COG5: variants seen among roughly 807,000 people sequenced by gnomAD.
COG5 encodes component of oligomeric golgi complex 5, also known as conserved oligomeric Golgi complex subunit 5.
In COG5, 86 loss-of-function variants were observed where a neutral mutation model predicts 110.4. The observed-to-expected ratio is 0.78, with a 90% CI of 0.65 to 0.93. COG5 has a LOEUF of 0.93. Among genes scored for constraint, COG5 ranks in the 40% least tolerant of loss-of-function variants. COG5 has a pLI of 0.00. For missense variants in COG5, 1,077 were observed against 987.0 expected, an observed-to-expected ratio of 1.09 and a Z score of -1.22; for synonymous variants, 360 against 334.6, an observed-to-expected ratio of 1.08 and a Z score of -0.83.
At chr7:107,297,178 C>A (rs1365210415) in intron 12 of COG5, among the ~76,000 whole-genome samples, 1 of 152,110 alleles carries the variant, frequency 6.6e-6, no homozygotes, top group Non-Finnish European at 1.5e-5. Flanking sequence ...ATTAAACCAA[C>A]CATGGATTGA....
intron 11 of COG5, among the ~76,000 whole-genome samples, chr7:107,315,901 G>A (rs1373684560): frequency 1.3e-5 from 2 of 152,130 alleles, no homozygotes; most frequent in South Asian, 4.1e-4. Context: ...ATATTAATGG[G>A]ATTTTCTGTC....
chr7:107,547,934 C>T (rs186192736), intron 5 of COG5, 177 bp downstream of exon 5: 150 of 619,524 alleles, frequency 2.4e-4, no homozygotes, highest in Non-Finnish European at 2.1e-4. Flanking sequence ...AAAGAATTTG[C>T]TTTAGATTTG....
chr7:107,414,292 T>C (rs1307822444), intron 6 of COG5, among the ~76,000 whole-genome samples: 1 of 152,194 alleles, frequency 6.6e-6, no homozygotes, highest in African/African-American at 2.4e-5. Flanking sequence ...ATTAACTTCC[T>C]AGCCACTTAA....
intron 6 of COG5, among the ~76,000 whole-genome samples, chr7:107,436,185 A>G (rs1563033823): frequency 1.3e-5 from 2 of 152,224 alleles, no homozygotes; most frequent in Non-Finnish European, 2.9e-5. Flanking sequence ...TATTCACAGT[A>G]GCCAAGACAC....
intron 6 of COG5, among the ~76,000 whole-genome samples, chr7:107,524,186 G>C (rs1410185262): frequency 6.6e-6 from 1 of 152,126 alleles, no homozygotes; most frequent in African/African-American, 2.4e-5. Flanking sequence ...GTACAATGCA[G>C]TGGTTTTTAG....
intron 6 of COG5, among the ~76,000 whole-genome samples, chr7:107,432,236 A>C (rs4515482): frequency 0.21 from 31,844 of 152,138 alleles, 3,414 homozygotes; most frequent in African/African-American, 0.23. Context: ...AGAGTATGAC[A>C]ATAATGACCA....
Position 107,236,559 on chromosome 7 carries a change from T to C in COG5, c.1982A>G (p.Asn661Ser), listed in dbSNP as rs1801208153. The C allele has an allele frequency of 5.0e-6, 8 of 1,614,010 alleles. No homozygotes were observed. The East Asian group carries it at 1.8e-4, about 36-fold the overall frequency. Reference sequence around the variant, plus strand: ...AGCTCTTTGGGCAATAGCCTCAGTGTTGTCAAAGACAAAATCCAAGCATTC... The same window carrying C: ...AGCTCTTTGGGCAATAGCCTCAGTGCTGTCAAAGACAAAATCCAAGCATTC... ...HFECLDFVFDNTEAIAQRAVE... is the reference protein window; with the variant it reads ...HFECLDFVFDSTEAIAQRAVE... The change falls in exon 18 of 22, where the codon AAC (asparagine) becomes AGC (serine). Residue 661 changes from asparagine (N) to serine (S), a missense_variant. Coordinates refer to ENST00000297135, the MANE Select transcript of COG5 (RefSeq NM_006348.5).
intron 11 of COG5, among the ~76,000 whole-genome samples, chr7:107,323,555 G>A (rs1179367225): frequency 6.6e-6 from 1 of 151,930 alleles, no homozygotes; most frequent in Non-Finnish European, 1.5e-5. Context: ...AAAAGAAAAC[G>A]AAACACTACA....
At chr7:107,271,705 T>A (rs1804287440) in intron 14 of COG5, among the ~76,000 whole-genome samples, 1 of 152,176 alleles carries the variant, frequency 6.6e-6, no homozygotes, top group Admixed American at 6.5e-5. Flanking sequence ...GCTTTAATCA[T>A]GTTCATTGGT....
chr7:107,537,745 A>G (rs549241968), intron 5 of COG5, among the ~76,000 whole-genome samples: 146 of 152,046 alleles, frequency 9.6e-4, no homozygotes, highest in African/African-American at 3.2e-3. Context: ...ATTTAAAAAA[A>G]AAAGAAAGAA....
At chr7:107,434,283 T>C (rs1030648386) in intron 6 of COG5, among the ~76,000 whole-genome samples, 2 of 152,074 alleles carry the variant, frequency 1.3e-5, no homozygotes, top group African/African-American at 2.4e-5. Context: ...AACTTAAAAT[T>C]AGAATCACCA....
At chr7:107,300,913 T>C (rs1261048023) in intron 11 of COG5, among the ~76,000 whole-genome samples, 1 of 152,032 alleles carries the variant, frequency 6.6e-6, no homozygotes, top group Non-Finnish European at 1.5e-5. Flanking sequence ...CATATAAAAC[T>C]ATAATAATTA....
Position 107,294,923 on chromosome 7 carries a change from G to GTGTA in COG5, c.1313+3218_1313+3219insTACA, listed in dbSNP as rs1303129264. 1.1e-4 allele frequency among the ~76,000 whole-genome samples: 9 copies of GTGTA among 82,014 alleles called. No individual in the cohort carries two copies. In the South Asian group the frequency reaches 1.4e-3, roughly 13 times the overall value. 53.8% of individuals were successfully genotyped at this position (82,014 alleles called of 152,430 possible). ...TGTGTGTGTGTGTGTGTGTGTGTGT[G>GTGTA]TATATATACACACACACACACACAC... On this transcript the variant is annotated intron_variant, in intron 12 of 21. Transcript: ENST00000297135.
chr7:107,226,064 A>C (rs997292708), intron 19 of COG5, among the ~76,000 whole-genome samples: 1 of 151,942 alleles, frequency 6.6e-6, no homozygotes, highest in African/African-American at 2.4e-5. Context: ...AAAAACAATA[A>C]AAAAAATAGT....
rs955073466 is a variant in COG5 at position 107,374,287 on chromosome 7, G to A, written c.670-1527C>T. ...AGTAGACACCAAAAATCAAAATGAG[G>A]CAGCTGTAAAGAAATTTCCCATGTC... On this transcript the variant is annotated intron_variant, in intron 7 of 21. Coordinates refer to ENST00000297135, the MANE Select transcript of COG5 (RefSeq NM_006348.5). Among the ~76,000 whole-genome samples, 6 of 152,072 alleles carry A rather than the reference G, an allele frequency of 3.9e-5. No homozygotes were observed. In the East Asian group the frequency reaches 5.8e-4, roughly 15 times the overall value.
intron 7 of COG5, among the ~76,000 whole-genome samples, chr7:107,382,285 T>C (rs893228485): frequency 7.2e-5 from 11 of 152,170 alleles, no homozygotes; most frequent in South Asian, 4.1e-4. Context: ...AAACCCATGG[T>C]TGGGCTCGGC....
chr7:107,365,931 T>C (rs976778743), intron 8 of COG5, among the ~76,000 whole-genome samples: 10 of 152,146 alleles, frequency 6.6e-5, no homozygotes, highest in African/African-American at 2.4e-4. Flanking sequence ...CAGCCATGCC[T>C]ACACTATTCT....
chr7:107,511,888 A>T (rs1427679421), intron 6 of COG5, among the ~76,000 whole-genome samples: 1 of 152,238 alleles, frequency 6.6e-6, no homozygotes, highest in Non-Finnish European at 1.5e-5. Context: ...TATTGATGGG[A>T]CATATCTCAA....
chr7:107,207,168 T>C (rs372408937), intron 21 of COG5, among the ~76,000 whole-genome samples: 3 of 152,258 alleles, frequency 2.0e-5, no homozygotes, highest in East Asian at 3.8e-4. Context: ...ATACACTACA[T>C]GCCTCAATAA....
Sources: gnomAD v4.1 joint callset for allele counts (sites outside exome capture counted in the v4.1 genomes callset) on GRCh38, gnomAD v4.1.1 for gene constraint, MANE v1.5 for transcripts, NCBI Gene and HGNC (gene_info 2026-07-23, HGNC 2026-07-21) for gene names.